SPATA22: variants seen among roughly 807,000 people sequenced by gnomAD.
The protein encoded by SPATA22 is spermatogenesis-associated protein 22.
Under a neutral mutation model 47.8 loss-of-function variants are expected in SPATA22, and 29 were observed. The observed-to-expected ratio is 0.61, with a 90% CI of 0.45 to 0.83. The LOEUF is 0.83. Ranked by LOEUF, SPATA22 falls within the 40% of genes least tolerant of loss-of-function variation. The pLI, the probability that SPATA22 is intolerant of heterozygous loss-of-function variation, is 0.00. For synonymous variants in SPATA22, 133 were observed against 140.9 expected (o/e 0.94, Z 0.40); for missense variants, 410 against 421.7 (o/e 0.97, Z 0.24).
intron 5 of SPATA22, among the ~76,000 whole-genome samples, chr17:3,451,356 T>TA (rs887617418): frequency 3.3e-5 from 5 of 151,188 alleles, no homozygotes; most frequent in African/African-American, 7.3e-5. Flanking sequence ...AGCAACATAA[T>TA]AAAAAAAAGA....
At position 3,440,307 on chromosome 17, in the gene SPATA22, C is replaced by T. The variant is rs1384883746; in HGVS notation, c.932G>A (p.Arg311Gln). The change falls in exon 9 of 9, where the codon CGA becomes CAA. Residue 311 changes from arginine to glutamine, a missense_variant. Transcript: ENST00000572969. ...ATAGTTGCCAACACATCTATGAACT[C>T]GGCCTCTAATCAGTCTCGGAAGTTC... The part of the protein sequence containing the change: ...DRELPRLIRG[R>Q]VHRCVGNYDQ... The T allele has an allele frequency of 8.2e-6, 13 of 1,592,544 alleles. No individual in the cohort carries two copies. Among genetic ancestry groups the T allele is most frequent in the African/African-American group, 1.4e-5 (1 of 74,040 alleles).
At chr17:3,487,734 C>G (rs533304573) in intron 1 of SPATA22, among the ~76,000 whole-genome samples, 4 of 152,142 alleles carry the variant, frequency 2.6e-5, no homozygotes, top group Non-Finnish European at 5.9e-5. Flanking sequence ...TTGACTTAAA[C>G]TATTCAACAT....
chr17:3,471,975 G>T, upstream of SPATA22: 1 of 530,702 alleles, frequency 1.9e-6, no homozygotes, highest in Non-Finnish European at 2.4e-6. Flanking sequence ...GATGGCTCCA[G>T]CTCCTTAGAG....
intron 1 of SPATA22, among the ~76,000 whole-genome samples, chr17:3,507,568 T>C (rs1183095950): frequency 6.6e-6 from 1 of 152,172 alleles, no homozygotes; most frequent in Non-Finnish European, 1.5e-5. Context: ...GTGAGAAAAA[T>C]GGTAGTTCTT....
At chr17:3,496,841 C>T (rs1484820754) in intron 1 of SPATA22, among the ~76,000 whole-genome samples, 1 of 152,004 alleles carries the variant, frequency 6.6e-6, no homozygotes, top group Admixed American at 6.5e-5. Flanking sequence ...CCGAGGCGGG[C>T]GGATCACGCG....
chr17:3,440,480 C>CA (rs2072574789), intron 8 of SPATA22, 142 bp from the exon 9 acceptor site: 3 of 591,418 alleles, frequency 5.1e-6, no homozygotes, highest in Non-Finnish European at 8.5e-6. Context: ...CCACTGCTAA[C>CA]AAGACAATGA....
At chr17:3,469,129 TTGAG>T (rs1567604786) in intron 2 of SPATA22, among the ~76,000 whole-genome samples, 150 bp downstream of exon 2, 1 of 152,210 alleles carries the variant, frequency 6.6e-6, no homozygotes, top group Non-Finnish European at 1.5e-5. Context: ...ATGTTTTGTC[TTGAG>T]TAAGTTATTT....
Position 3,485,702 on chromosome 17 carries a change from T to C in SPATA22, c.-73-16304A>G, listed in dbSNP as rs773642133. On this transcript the variant is annotated intron_variant, in intron 1 of 8. Transcript: ENST00000541913. This position sits in a 1 kb window ranked among gnomAD's most constrained non-coding sequence, Gnocchi z 4.4. Reference sequence around the variant, plus strand: ...TCTCCTTATCAAGACCTGTCAAAGATCTGAGAAATTTTACCCGACTTACAA... The same window carrying C: ...TCTCCTTATCAAGACCTGTCAAAGACCTGAGAAATTTTACCCGACTTACAA... Among the ~76,000 whole-genome samples, 2 of 152,170 alleles carry C rather than the reference T, an allele frequency of 1.3e-5. No individual in the cohort carries two copies. The highest frequency in any genetic ancestry group is 1.9e-4 in the East Asian group (1 of 5,188).
intron 3 of SPATA22, among the ~76,000 whole-genome samples, chr17:3,464,512 C>A (rs1271936987): frequency 7.6e-6 from 1 of 131,836 alleles, no homozygotes; most frequent in Non-Finnish European, 1.7e-5. Context: ...TCTGCCCGGC[C>A]GCCGTCCCAT....
chr17:3,458,894 A>G (rs1038673118), intron 5 of SPATA22, among the ~76,000 whole-genome samples: 2 of 150,798 alleles, frequency 1.3e-5, no homozygotes, highest in Non-Finnish European at 3.0e-5. Flanking sequence ...CAAGATACGT[A>G]AACAATGCAA....
At chr17:3,482,955 T>G (rs2073658930) in intron 1 of SPATA22, among the ~76,000 whole-genome samples, 2 of 109,342 alleles carry the variant, frequency 1.8e-5, no homozygotes, top group African/African-American at 7.2e-5. Context: ...CCCACCCCAA[T>G]TCTTCATTGC....
chr17:3,513,043 C>G (rs2074135009), intron 1 of SPATA22: 1 of 152,350 alleles, frequency 6.6e-6, no homozygotes. Context: ...GGCGGCCCAG[C>G]AGGACTTGCC....
At position 3,471,238 on chromosome 17, in the gene SPATA22, G is replaced by T. The variant is rs532613064; in HGVS notation, c.-74+444C>A. On this transcript the variant is annotated intron_variant, in intron 1 of 8. Transcript: ENST00000572969. Reference sequence around the variant, plus strand: ...GAAAGGAAAGGAAAATATTCTTGGCGCCATCCTAGGAGCCACAACAGGGAT... The same window carrying T: ...GAAAGGAAAGGAAAATATTCTTGGCTCCATCCTAGGAGCCACAACAGGGAT... Among the ~76,000 whole-genome samples, 20 of 152,236 alleles carry T rather than the reference G, an allele frequency of 1.3e-4. 1 individual carries two copies. Among genetic ancestry groups the T allele is most frequent in the East Asian group, 9.6e-4 (5 of 5,186 alleles).
intron 2 of SPATA22, 71 bp from the exon 3 acceptor site, chr17:3,467,625 A>G (rs2073346210): frequency 8.1e-7 from 1 of 1,234,038 alleles, no homozygotes; most frequent in African/African-American, 1.5e-5. Flanking sequence ...AATAATTACT[A>G]GTATAATACA....
Position 3,440,178 on chromosome 17 carries a change from T to C in SPATA22, c.1061A>G (p.Gln354Arg), listed in dbSNP as rs949531963. The stretch of plus-strand genomic sequence containing the variant: ...TTCATTCATCACATTAATATAATAC[T>C]GCATCTCAACATCTGCAATTTTGAC... ...AFVKIADVEM[Q>R]YYINVMNET The change falls in exon 9 of 9, where the codon CAG becomes CGG. Residue 354 changes from glutamine (Q) to arginine (R), a missense_variant. Gln to Arg is a conservative substitution (Grantham distance 43). Coordinates refer to ENST00000572969, the MANE Select transcript of SPATA22 (RefSeq NM_001170698.2). The C allele has an allele frequency of 8.1e-6, 13 of 1,606,794 alleles. No individual in the cohort carries two copies. The highest frequency in any genetic ancestry group is 3.4e-5 in the Admixed American group (2 of 58,626).
At chr17:3,462,891 T>C (rs1306313570) in intron 3 of SPATA22, 124 bp from the exon 4 acceptor site, 2 of 727,798 alleles carry the variant, frequency 2.7e-6, no homozygotes, top group African/African-American at 3.6e-5. Flanking sequence ...AATATATGGA[T>C]TTCTTCAACA....
chr17:3,455,118 A>G (rs928120592), intron 5 of SPATA22, among the ~76,000 whole-genome samples: 4 of 150,646 alleles, frequency 2.7e-5, no homozygotes, highest in African/African-American at 9.7e-5. Flanking sequence ...GTGTCTGTTC[A>G]TATCCTTTGC....
intron 3 of SPATA22, among the ~76,000 whole-genome samples, chr17:3,465,165 GC>G (rs1460312960): frequency 2.2e-5 from 3 of 135,788 alleles, no homozygotes; most frequent in Non-Finnish European, 4.9e-5. Flanking sequence ...GGGGGGGTCA[GC>G]CCCCCGCCCG....
intron 1 of SPATA22, among the ~76,000 whole-genome samples, chr17:3,495,693 C>T (rs965376855): frequency 2.6e-5 from 4 of 152,146 alleles, no homozygotes; most frequent in South Asian, 2.1e-4. Context: ...CTCAGCCTCC[C>T]GAGTAGCTGG....
Sources: allele counts gnomAD v4.1 joint callset (sites outside exome capture counted in the v4.1 genomes callset), GRCh38; gene constraint gnomAD v4.1.1; non-coding constraint Gnocchi (gnomAD v3.1); transcripts MANE v1.5; gene names NCBI Gene and HGNC (gene_info 2026-07-23, HGNC 2026-07-21).